TCF7L2: variants seen among roughly 807,000 people sequenced by gnomAD.
TCF7L2 encodes the protein transcription factor 7 like 2.
A neutral mutation model predicts 77.9 loss-of-function variants in TCF7L2; 23 were observed. The observed-to-expected ratio is 0.30, with a 90% confidence interval of 0.21 to 0.42. The LOEUF (loss-of-function observed/expected upper bound fraction) is 0.42, where lower values mean the gene tolerates loss of function less well. Among genes scored for constraint, TCF7L2 ranks in the 10% least tolerant of loss-of-function variants. TCF7L2 has a pLI of 1.00. For synonymous variants in TCF7L2, 413 were observed against 340.2 expected (o/e 1.21, Z -2.36); for missense variants, 654 against 793.1 (o/e 0.82, Z 2.11).
intron 12 of TCF7L2, chr10:113,160,482 A>G (rs2072986603): frequency 3.3e-6 from 2 of 606,322 alleles, no homozygotes; most frequent in East Asian, 3.3e-5. Context: ...CTTTCCTTTC[A>G]TGTCCTTGGT....
Position 112,951,480 on chromosome 10 carries a change from T to A in TCF7L2, c.257-3T>A. On this transcript the variant is annotated splice_polypyrimidine_tract_variant and splice_region_variant and intron_variant, in intron 2 of 13. Coordinates refer to ENST00000627217, the MANE Select transcript of TCF7L2 (RefSeq NM_001146274.2). Reference sequence around the variant, plus strand: ...CTGTCCCCTCGCCGCCCCGCCATGTTAGCGGCCAAGAGGCAAGATGGAGGG... The same window carrying A: ...CTGTCCCCTCGCCGCCCCGCCATGTAAGCGGCCAAGAGGCAAGATGGAGGG... The A allele has an allele frequency of 7.0e-7, 1 of 1,423,296 alleles. No individual in the cohort carries two copies. The highest frequency in any genetic ancestry group is 9.4e-7 in the Non-Finnish European group (1 of 1,065,220). The allele number at this position is 1,423,296 out of a possible 1,614,324, so 88.2% of individuals were successfully genotyped here.
chr10:113,055,950 G>C (rs1320748960), intron 5 of TCF7L2, among the ~76,000 whole-genome samples: 1 of 152,186 alleles, frequency 6.6e-6, no homozygotes, highest in Admixed American at 6.5e-5. Flanking sequence ...ATCTAAGCAA[G>C]GGGTTGATTT....
chr10:113,051,203 C>CCACACACA (rs55771704), intron 5 of TCF7L2, among the ~76,000 whole-genome samples: 2,521 of 140,446 alleles, frequency 0.018, 42 homozygotes, highest in African/African-American at 0.041. Context: ...TGCATACACA[C>CCACACACA]CACACACACA....
At chr10:113,071,621 T>C (rs1340019823) in intron 5 of TCF7L2, among the ~76,000 whole-genome samples, 1 of 152,220 alleles carries the variant, frequency 6.6e-6, no homozygotes, top group Non-Finnish European at 1.5e-5. Flanking sequence ...GGGAATGTTA[T>C]CAGTGTTGGG....
intron 4 of TCF7L2, among the ~76,000 whole-genome samples, chr10:113,024,616 C>CTTTT (rs377705347): frequency 8.8e-5 from 11 of 124,798 alleles, no homozygotes; most frequent in South Asian, 2.7e-4. Flanking sequence ...TATATAAACC[C>CTTTT]TTTTTTTTTT....
At chr10:112,982,494 T>C (rs1400726745) in intron 4 of TCF7L2, among the ~76,000 whole-genome samples, 1 of 152,196 alleles carries the variant, frequency 6.6e-6, no homozygotes, top group Non-Finnish European at 1.5e-5. Context: ...TTAAAACTCT[T>C]GCCAAGCTTA....
In TCF7L2 at chr10:112,993,489, G is replaced by C. The variant is rs1460562693; in HGVS notation, c.450+28865G>C. Among the ~76,000 whole-genome samples the C allele has an allele frequency of 2.6e-5, 4 of 152,052 alleles. No homozygotes were observed. The East Asian group carries it at 7.7e-4, about 29-fold the overall frequency. The stretch of plus-strand genomic sequence containing the variant: ...CCACTGGACTCCAGCTTGGGTGATA[G>C]AGTGAGACTCTGTCTCAAAAAAAGA... On this transcript the variant is annotated intron_variant, in intron 4 of 13. Coordinates refer to ENST00000627217, the MANE Select transcript of TCF7L2 (RefSeq NM_001146274.2).
chr10:113,143,912 T>G lies in TCF7L2; in HGVS notation c.686-11T>G, dbSNP rs375065496. The G allele has an allele frequency of 1.0e-4, 161 of 1,610,322 alleles. No homozygotes were observed. The highest frequency in any genetic ancestry group is 3.5e-4 in the South Asian group (32 of 90,758). On this transcript the variant is annotated splice_polypyrimidine_tract_variant and intron_variant, in intron 6 of 13. Coordinates refer to ENST00000627217, the MANE Select transcript of TCF7L2 (RefSeq NM_001146274.2). Reference sequence around the variant, plus strand: ...CCTCCTTTGTACCTAAAATGCTGCTTCTTCCCTCAGGAATCCCACGGCCTC... The same window carrying G: ...CCTCCTTTGTACCTAAAATGCTGCTGCTTCCCTCAGGAATCCCACGGCCTC...
chr10:113,079,076 C>T (rs1255947702), intron 5 of TCF7L2, among the ~76,000 whole-genome samples: 2 of 151,926 alleles, frequency 1.3e-5, no homozygotes, highest in Middle Eastern at 3.4e-3. Flanking sequence ...TTAAGTGATC[C>T]ACCCATCCTG....
At chr10:113,111,207 A>T (rs1048458928) in intron 5 of TCF7L2, among the ~76,000 whole-genome samples, 2 of 152,286 alleles carry the variant, frequency 1.3e-5, no homozygotes, top group East Asian at 3.9e-4. Context: ...GACTTTGAGG[A>T]AATTATACCA....
intron 4 of TCF7L2, among the ~76,000 whole-genome samples, chr10:113,028,797 A>AT (rs2049682696): frequency 6.6e-6 from 1 of 152,180 alleles, no homozygotes; most frequent in Admixed American, 6.5e-5. Context: ...AAAGAAAGGG[A>AT]TTTTTTAGAA....
At chr10:113,143,739 A>G (rs1335334048) in intron 6 of TCF7L2, among the ~76,000 whole-genome samples, 184 bp from the exon 7 acceptor site, 1 of 152,164 alleles carries the variant, frequency 6.6e-6, no homozygotes, top group East Asian at 1.9e-4. Context: ...AATTTTTCAA[A>G]CTGAGGCTGA....
At chr10:113,061,774 A>G (rs1287739781) in intron 5 of TCF7L2, among the ~76,000 whole-genome samples, 1 of 152,162 alleles carries the variant, frequency 6.6e-6, no homozygotes, top group African/African-American at 2.4e-5. Flanking sequence ...TGACAAAGGG[A>G]ATTCCCAGTT....
chr10:113,099,825 G>T (rs1262187593), intron 5 of TCF7L2, among the ~76,000 whole-genome samples: 1 of 152,062 alleles, frequency 6.6e-6, no homozygotes, highest in Non-Finnish European at 1.5e-5. Flanking sequence ...TGGGAGCAGT[G>T]ACCCTGGGCA....
At chr10:113,015,481 G>A (rs967928260) in intron 4 of TCF7L2, among the ~76,000 whole-genome samples, 14 of 134,738 alleles carry the variant, frequency 1.0e-4, no homozygotes, top group African/African-American at 3.8e-4. Flanking sequence ...ATCAGGTTCA[G>A]CTCTGTCGCC....
At chr10:113,100,106 A>G (rs537165731) in intron 5 of TCF7L2, among the ~76,000 whole-genome samples, 2 of 152,346 alleles carry the variant, frequency 1.3e-5, no homozygotes, top group Admixed American at 1.3e-4. Flanking sequence ...TACTGATAAG[A>G]AACTCCCATT....
intron 3 of TCF7L2, among the ~76,000 whole-genome samples, chr10:112,960,465 T>G (rs554946615): frequency 9.2e-5 from 14 of 152,162 alleles, no homozygotes; most frequent in African/African-American, 3.4e-4. Context: ...GGTCACTGAT[T>G]TTTGTTGAGA....
intron 13 of TCF7L2, among the ~76,000 whole-genome samples, chr10:113,160,909 C>T (rs1312817323): frequency 6.6e-6 from 1 of 152,130 alleles, no homozygotes; most frequent in African/African-American, 2.4e-5. Flanking sequence ...GAACAATATC[C>T]CTGGTGGCAG....
chr10:112,994,521 T>C (rs2043134038), intron 4 of TCF7L2, among the ~76,000 whole-genome samples: 1 of 152,210 alleles, frequency 6.6e-6, no homozygotes, highest in Non-Finnish European at 1.5e-5. Flanking sequence ...TGCACAAATT[T>C]TTGTATTGAC....
Sources: allele counts gnomAD v4.1 joint callset (sites outside exome capture counted in the v4.1 genomes callset), GRCh38; gene constraint gnomAD v4.1.1; transcripts MANE v1.5; gene names NCBI Gene and HGNC (gene_info 2026-07-23, HGNC 2026-07-21).